The following ATP9B variants were observed in gnomAD, a reference collection of about 807,000 sequenced individuals.
The protein encoded by ATP9B is ATPase phospholipid transporting 9B.
Under a neutral mutation model 146.1 loss-of-function variants are expected in ATP9B, and 110 were observed. That is an observed-to-expected ratio of 0.75 (90% CI 0.65 to 0.88). The LOEUF (loss-of-function observed/expected upper bound fraction) is 0.88. Among genes scored for constraint, ATP9B ranks in the 40% least tolerant of loss-of-function variants. ATP9B has a pLI of 0.00. For missense variants in ATP9B, 1,499 were observed against 1,496.4 expected, an observed-to-expected ratio of 1.00 and a Z score of -0.03; for synonymous variants, 604 against 569.7, an observed-to-expected ratio of 1.06 and a Z score of -0.86.
In ATP9B at chr18:79,102,873, T is replaced by A. The variant is rs2075382496; in HGVS notation, c.293+6224T>A. On this transcript the variant is annotated intron_variant, in intron 2 of 29. Transcript: ENST00000426216. The stretch of plus-strand genomic sequence containing the variant: ...TTAGATTTACTCCTAAGTGTTTAAC[T>A]TTTTGGAGTGATCGTAAATGGTTTG... Among the ~76,000 whole-genome samples the A allele has an allele frequency of 2.6e-5, 4 of 152,358 alleles. No homozygotes were observed. In the South Asian group the frequency reaches 8.3e-4, roughly 32 times the overall value.
chr18:79,252,523 G>A (rs1455561617), intron 11 of ATP9B, among the ~76,000 whole-genome samples: 14 of 152,190 alleles, frequency 9.2e-5, no homozygotes, highest in Non-Finnish European at 1.8e-4. Flanking sequence ...GCTAGAGCTC[G>A]AAATTGAAGC....
chr18:79,071,049 C>CTTTTTTCTTTTTTTTTTTTTTTTTTTTT (rs1555723402), intron 1 of ATP9B, among the ~76,000 whole-genome samples: 1 of 112,396 alleles, frequency 8.9e-6, no homozygotes, highest in African/African-American at 3.5e-5. Flanking sequence ...ATTCCTGTTT[C>CTTTTTTCTTTTTTTTTTTTTTTTTTTTT]TTTTTTTTTT....
At chr18:79,149,972 T>C (rs2094658093) in intron 6 of ATP9B, among the ~76,000 whole-genome samples, 1 of 152,068 alleles carries the variant, frequency 6.6e-6, no homozygotes, top group African/African-American at 2.4e-5. Context: ...TCCTAGCTAC[T>C]TGGGAGGCTG....
intron 12 of ATP9B, among the ~76,000 whole-genome samples, chr18:79,269,130 G>C (rs979567469): frequency 1.2e-4 from 18 of 152,182 alleles, no homozygotes; most frequent in Non-Finnish European, 2.6e-4. Context: ...CATCTCTTCA[G>C]ATGCTGCCCC....
chr18:79,354,972 G>A (rs923746613), intron 25 of ATP9B, among the ~76,000 whole-genome samples: 1 of 152,224 alleles, frequency 6.6e-6, no homozygotes, highest in African/African-American at 2.4e-5. Flanking sequence ...TCCCCAAAAA[G>A]GCAAGTGGAG....
rs564920117 is a variant in ATP9B at position 79,306,817 on chromosome 18, TA to T, written c.1525-162del. ...TCGAAGTGCTTCATAGTACTAGGCTTAAAAAAATAACTCATTAATCAGTGCT... is the reference window on the plus strand; with the variant it reads ...TCGAAGTGCTTCATAGTACTAGGCTTAAAAAATAACTCATTAATCAGTGCT... On this transcript the variant is annotated intron_variant, in intron 14 of 29. Coordinates refer to ENST00000426216, the MANE Select transcript of ATP9B (RefSeq NM_198531.5). Among the ~76,000 whole-genome samples, 255 of 152,268 alleles carry T rather than the reference TA, an allele frequency of 1.7e-3. 3 individuals are homozygous for T. Among genetic ancestry groups the T allele is most frequent in the Middle Eastern group, 0.01 (3 of 294 alleles).
chr18:79,077,568 T>C (rs2072765239), intron 1 of ATP9B, among the ~76,000 whole-genome samples: 1 of 152,220 alleles, frequency 6.6e-6, no homozygotes, highest in African/African-American at 2.4e-5. Context: ...TATTTGGGGA[T>C]GTTAAATACA....
At chr18:79,112,996 T>C (rs1005138508) in intron 3 of ATP9B, among the ~76,000 whole-genome samples, 3 of 152,196 alleles carry the variant, frequency 2.0e-5, no homozygotes, top group Admixed American at 2.0e-4. Flanking sequence ...TTTTTAACAA[T>C]TGAACGTCCT....
chr18:79,241,639 T>G (rs1382144267), intron 11 of ATP9B, among the ~76,000 whole-genome samples: 3 of 152,238 alleles, frequency 2.0e-5, no homozygotes, highest in African/African-American at 7.2e-5. Flanking sequence ...TTTTAGCTCC[T>G]TGAGTTTAGG....
chr18:79,097,308 T>C (rs2074871507), intron 2 of ATP9B, among the ~76,000 whole-genome samples: 1 of 151,960 alleles, frequency 6.6e-6, no homozygotes, highest in Non-Finnish European at 1.5e-5. Context: ...GTATATCTTT[T>C]ACTCAGATTC....
chr18:79,118,926 T>G (rs769567633), intron 4 of ATP9B, among the ~76,000 whole-genome samples: 13 of 151,884 alleles, frequency 8.6e-5, no homozygotes, highest in Admixed American at 3.9e-4. Flanking sequence ...GAAAGATTAA[T>G]TGTGTGTGGT....
chr18:79,163,963 G>A (rs1447123488), intron 7 of ATP9B, among the ~76,000 whole-genome samples: 1 of 151,440 alleles, frequency 6.6e-6, no homozygotes, highest in Non-Finnish European at 1.5e-5. Context: ...CACTGTCCCA[G>A]GCTAGAGTGC....
intron 9 of ATP9B, among the ~76,000 whole-genome samples, chr18:79,203,817 A>G (rs2095510606): frequency 6.6e-6 from 1 of 152,188 alleles, no homozygotes; most frequent in African/African-American, 2.4e-5. Flanking sequence ...TGTCAACCGT[A>G]TCTGGGAAGT....
intron 5 of ATP9B, among the ~76,000 whole-genome samples, chr18:79,132,390 C>T (rs1310707716): frequency 3.3e-5 from 5 of 152,146 alleles, no homozygotes; most frequent in Non-Finnish European, 5.9e-5. Context: ...TATCCAGCAT[C>T]GTCCAAGCGG....
chr18:79,284,970 A>G (rs1182266186), intron 13 of ATP9B, among the ~76,000 whole-genome samples: 1 of 152,160 alleles, frequency 6.6e-6, no homozygotes, highest in Non-Finnish European at 1.5e-5. Context: ...TTCTGGCTGC[A>G]TAGTATTCCA....
chr18:79,369,330 G>A (rs1475779776), intron 26 of ATP9B, among the ~76,000 whole-genome samples: 3 of 151,840 alleles, frequency 2.0e-5, no homozygotes, highest in Non-Finnish European at 4.4e-5. Flanking sequence ...TCAGGAGATC[G>A]AGACCAGCCT....
chr18:79,377,107 C>G (rs1258537941), intron 29 of ATP9B, 140 bp from the exon 30 acceptor site: 2 of 947,032 alleles, frequency 2.1e-6, no homozygotes, highest in Non-Finnish European at 3.2e-6. Flanking sequence ...AGATTTGGAG[C>G]TGGGCCCCTG....
At chr18:79,270,220 A>G (rs1434989589) in intron 12 of ATP9B, among the ~76,000 whole-genome samples, 1 of 152,192 alleles carries the variant, frequency 6.6e-6, no homozygotes, top group East Asian at 1.9e-4. Flanking sequence ...CAATCCTGGC[A>G]TAGGTGTTCA....
chr18:79,187,985 A>G (rs1227132585), intron 8 of ATP9B, among the ~76,000 whole-genome samples: 4 of 152,132 alleles, frequency 2.6e-5, no homozygotes, highest in African/African-American at 9.7e-5. Context: ...AGTCCCTTTA[A>G]GAAGAGATCT....
Sources: allele counts gnomAD v4.1 joint callset (sites outside exome capture counted in the v4.1 genomes callset), GRCh38; gene constraint gnomAD v4.1.1; transcripts MANE v1.5; gene names NCBI Gene and HGNC (gene_info 2026-07-23, HGNC 2026-07-21).